The following CDH8 variants were observed in gnomAD, a reference collection of about 807,000 sequenced individuals.
CDH8 encodes cadherin 8, also known as cadherin-8.
Under a neutral mutation model 68.1 loss-of-function variants are expected in CDH8, and 17 were observed. The observed-to-expected ratio is 0.25, with a 90% CI of 0.17 to 0.37. CDH8 has a LOEUF of 0.37. Among genes scored for constraint, CDH8 ranks in the 10% least tolerant of loss-of-function variants. The pLI, the probability that CDH8 is intolerant of heterozygous loss-of-function variation, is 1.00. For synonymous variants in CDH8, 372 were observed against 365.1 expected, an observed-to-expected ratio of 1.02 and a Z score of -0.21; for missense variants, 763 against 999.3, an observed-to-expected ratio of 0.76 and a Z score of 3.19.
intron 8 of CDH8, among the ~76,000 whole-genome samples, chr16:61,751,488 T>C (rs1358249879): frequency 6.9e-6 from 1 of 145,614 alleles, no homozygotes; most frequent in Admixed American, 6.9e-5. Flanking sequence ...AGAAGACACA[T>C]CCTAGCTCAA....
intron 8 of CDH8, among the ~76,000 whole-genome samples, chr16:61,744,479 A>G (rs1189155117): frequency 1.3e-5 from 2 of 151,996 alleles, no homozygotes; most frequent in Non-Finnish European, 2.9e-5. Context: ...TTACAGCTTT[A>G]TCTGTGATAA....
At chr16:62,004,380 T>C (rs978390264) in intron 2 of CDH8, among the ~76,000 whole-genome samples, 2 of 152,130 alleles carry the variant, frequency 1.3e-5, no homozygotes, top group African/African-American at 2.4e-5. Flanking sequence ...AGAATCACAA[T>C]CCTCCAGGCT....
intron 2 of CDH8, among the ~76,000 whole-genome samples, chr16:61,909,916 T>C (rs1039553076): frequency 6.6e-6 from 1 of 152,226 alleles, no homozygotes; most frequent in Admixed American, 6.5e-5. Flanking sequence ...CCAGTGTTCA[T>C]GGCCTTGGCA....
At chr16:61,922,084 A>C (rs1317224481) in intron 2 of CDH8, among the ~76,000 whole-genome samples, 2 of 152,176 alleles carry the variant, frequency 1.3e-5, no homozygotes, top group African/African-American at 2.4e-5. Flanking sequence ...GACAAATGAA[A>C]TATGCAGCCG....
rs1223982231 is a variant in CDH8, at chr16:61,905,449, TTTAA to T, written c.253-3980_253-3977del. 3.9e-5 allele frequency among the ~76,000 whole-genome samples: 6 copies of T among 151,992 alleles called. No individual in the cohort carries two copies. In the East Asian group the frequency reaches 1.2e-3, roughly 29 times the overall value. On this transcript the variant is annotated intron_variant, in intron 2 of 11. Coordinates refer to ENST00000577390, the MANE Select transcript of CDH8 (RefSeq NM_001796.5). ...ATTGTTAATATATGTAATTAATATA[TTTAA>T]TTATGGTTATTATTAATGTATTGAC...
chr16:61,990,168 A>AT, intron 2 of CDH8, among the ~76,000 whole-genome samples: 1 of 152,188 alleles, frequency 6.6e-6, no homozygotes, highest in East Asian at 1.9e-4. Flanking sequence ...GGTAGTAATC[A>AT]TTAAGTTCTT....
At chr16:61,934,798 G>A (rs1964603024) in intron 2 of CDH8, among the ~76,000 whole-genome samples, 1 of 152,106 alleles carries the variant, frequency 6.6e-6, no homozygotes, top group South Asian at 2.1e-4. Context: ...ATGACCACAA[G>A]CACTAAAATC....
intron 10 of CDH8, among the ~76,000 whole-genome samples, chr16:61,701,936 T>A (rs994661286): frequency 6.6e-6 from 1 of 152,256 alleles, no homozygotes; most frequent in South Asian, 2.1e-4. Flanking sequence ...TTAATTTTTA[T>A]GCTTTTCCTT....
chr16:61,950,922 C>T (rs1252372126), intron 2 of CDH8, among the ~76,000 whole-genome samples: 1 of 152,064 alleles, frequency 6.6e-6, no homozygotes, highest in Non-Finnish European at 1.5e-5. Flanking sequence ...AGAAGAGGAA[C>T]AGAAAAGATA....
At chr16:61,917,403 C>T (rs1415207082) in intron 2 of CDH8, among the ~76,000 whole-genome samples, 4 of 152,106 alleles carry the variant, frequency 2.6e-5, no homozygotes, top group Non-Finnish European at 5.9e-5. Context: ...CTGTTCCTGT[C>T]CCTCCTACAA....
chr16:61,940,096 T>C (rs909030209), intron 2 of CDH8: 5 of 152,132 alleles, frequency 3.3e-5, no homozygotes, highest in African/African-American at 1.2e-4. Context: ...AAAGAGAAAA[T>C]ACAATTCAGT....
intron 4 of CDH8, among the ~76,000 whole-genome samples, chr16:61,853,904 C>T (rs974504682): frequency 1.3e-5 from 2 of 151,944 alleles, no homozygotes; most frequent in African/African-American, 4.8e-5. Flanking sequence ...TTTAATATCA[C>T]ATTTGCTAAA....
chr16:61,700,341 C>T (rs895109928), intron 10 of CDH8, among the ~76,000 whole-genome samples: 2 of 149,948 alleles, frequency 1.3e-5, no homozygotes, highest in Admixed American at 6.7e-5. Context: ...AGTGCAGTGG[C>T]GTGCTCTTGG....
rs1011992897 is a variant in CDH8, at chr16:61,882,416, G to T, written c.547+18763C>A. Among the ~76,000 whole-genome samples, 4 of 152,164 alleles carry T rather than the reference G, an allele frequency of 2.6e-5. No homozygotes were observed. The East Asian group carries it at 7.7e-4, about 29-fold the overall frequency. On this transcript the variant is annotated intron_variant, in intron 3 of 11. Transcript: ENST00000577390. ...CAGATATCCCTCTTTTAGCTATGAA[G>T]AAGAGCCCCCGCAGTTGTGTTGACA... is the stretch of plus-strand genomic sequence containing the variant.
chr16:61,652,960 A>G lies in CDH8; in HGVS notation c.*648T>C, dbSNP rs1166877869. 5.3e-6 allele frequency: 8 copies of G among 1,517,574 alleles called. No individual in the cohort carries two copies. Among genetic ancestry groups the G allele is most frequent in the African/African-American group, 2.8e-5 (2 of 72,278 alleles). 94.0% of individuals were successfully genotyped at this position (1,517,574 alleles called of 1,614,324 possible). ...TCCCACCACTGAATTGGCAAGCCCC[A>G]CCCTGGAATGGATTACGAACATGTG... On this transcript the variant is annotated 3_prime_UTR_variant, in exon 12 of 12. Coordinates refer to ENST00000577390, the MANE Select transcript of CDH8 (RefSeq NM_001796.5).
chr16:61,845,729 C>T (rs914178479), intron 4 of CDH8, among the ~76,000 whole-genome samples: 3 of 151,920 alleles, frequency 2.0e-5, no homozygotes, highest in Non-Finnish European at 4.4e-5. Context: ...CTAGTATAGT[C>T]CTTAAATCAC....
intron 8 of CDH8, among the ~76,000 whole-genome samples, chr16:61,727,538 A>T (rs1468272012): frequency 6.6e-6 from 1 of 151,094 alleles, no homozygotes; most frequent in Non-Finnish European, 1.5e-5. Flanking sequence ...AAAATGTTGT[A>T]TACAACAAAA....
chr16:61,838,260 C>T (rs1202390900), intron 4 of CDH8, among the ~76,000 whole-genome samples: 2 of 152,088 alleles, frequency 1.3e-5, no homozygotes, highest in African/African-American at 4.8e-5. Flanking sequence ...TGCCTCCTTG[C>T]AATATGTGCT....
intron 8 of CDH8, among the ~76,000 whole-genome samples, chr16:61,776,260 A>G (rs79004728): frequency 0.043 from 6,604 of 152,220 alleles, 397 homozygotes; most frequent in East Asian, 0.23. Flanking sequence ...GTTGAGACCT[A>G]AAGAGATTGC....
Sources: gnomAD v4.1 joint callset for allele counts (sites outside exome capture counted in the v4.1 genomes callset) on GRCh38, gnomAD v4.1.1 for gene constraint, MANE v1.5 for transcripts, NCBI Gene and HGNC (gene_info 2026-07-23, HGNC 2026-07-21) for gene names.